Variants in DPP10 observed in about 807,000 individuals in gnomAD.
The protein encoded by DPP10 is dipeptidyl peptidase like 10.
A neutral mutation model predicts 120.9 loss-of-function variants in DPP10; 33 were observed. The observed-to-expected ratio is 0.27, with a 90% CI of 0.21 to 0.37. The LOEUF is 0.37. Among genes scored for constraint, DPP10 ranks in the 10% least tolerant of loss-of-function variants. The probability of loss-of-function intolerance (pLI) is 1.00; values close to 1 mark genes in which losing one functional copy is unlikely to be tolerated. For missense variants in DPP10, 816 were observed against 942.8 expected, an observed-to-expected ratio of 0.87 and a Z score of 1.76; for synonymous variants, 337 against 326.1, an observed-to-expected ratio of 1.03 and a Z score of -0.36.
intron 1 of DPP10, among the ~76,000 whole-genome samples, chr2:115,190,040 G>A (rs752176669): frequency 2.0e-5 from 3 of 152,100 alleles, no homozygotes; most frequent in South Asian, 4.1e-4. Flanking sequence ...AAACTCCTCC[G>A]CTTTCTGCTA....
intron 1 of DPP10, among the ~76,000 whole-genome samples, chr2:115,079,236 C>T (rs1405707740): frequency 1.3e-5 from 2 of 152,020 alleles, no homozygotes; most frequent in African/African-American, 4.8e-5. Context: ...AAACATTAGC[C>T]GGACGTGGTG....
chr2:115,222,841 A>G (rs570050310), intron 1 of DPP10, among the ~76,000 whole-genome samples: 2 of 152,258 alleles, frequency 1.3e-5, no homozygotes, highest in East Asian at 1.9e-4. Flanking sequence ...GGCTCTTTTT[A>G]TTACATTGTC....
chr2:115,286,752 T>G (rs2060422627), intron 1 of DPP10, among the ~76,000 whole-genome samples: 1 of 151,234 alleles, frequency 6.6e-6, no homozygotes, highest in African/African-American at 2.4e-5. Context: ...GTTTGAATCC[T>G]TCCACTGTTG....
intron 1 of DPP10, among the ~76,000 whole-genome samples, chr2:115,040,072 C>T (rs1483864418): frequency 6.6e-6 from 1 of 152,178 alleles, no homozygotes; most frequent in African/African-American, 2.4e-5. Context: ...TTAATAACAA[C>T]ACCAACTCCA....
chr2:114,953,892 C>G (rs969880224), intron 1 of DPP10, among the ~76,000 whole-genome samples: 1 of 151,862 alleles, frequency 6.6e-6, no homozygotes, highest in African/African-American at 2.4e-5. Context: ...TTTGAAGCAA[C>G]AATTGCTTCA....
chr2:115,434,077 G>T (rs1047239409), intron 3 of DPP10, among the ~76,000 whole-genome samples: 1 of 151,826 alleles, frequency 6.6e-6, no homozygotes, highest in African/African-American at 2.4e-5. Context: ...AATATTAAGG[G>T]CTTCTGAAAA....
intron 1 of DPP10, among the ~76,000 whole-genome samples, chr2:114,956,957 C>G (rs1033527793): frequency 7.7e-6 from 1 of 130,126 alleles, no homozygotes; most frequent in African/African-American, 2.8e-5. Flanking sequence ...TAAAGACTTA[C>G]ATGTAAGACC....
chr2:114,736,870 C>G (rs1677491780), intron 1 of DPP10, among the ~76,000 whole-genome samples: 1 of 152,192 alleles, frequency 6.6e-6, no homozygotes, highest in Non-Finnish European at 1.5e-5. Context: ...TACTTAGTAA[C>G]CCTAGGCTTG....
intron 3 of DPP10, among the ~76,000 whole-genome samples, chr2:115,472,364 A>G (rs558933081): frequency 3.9e-5 from 6 of 152,336 alleles, no homozygotes; most frequent in African/African-American, 1.2e-4. Context: ...ATGCTATGCA[A>G]TTTTTAAAAA....
At chr2:114,917,162 C>T (rs1010231589) in intron 1 of DPP10, among the ~76,000 whole-genome samples, 2 of 152,140 alleles carry the variant, frequency 1.3e-5, no homozygotes, top group African/African-American at 4.8e-5. Flanking sequence ...AGGAGCATTT[C>T]TATACACCAA....
At chr2:115,416,500 T>TG (rs2069445022) in intron 3 of DPP10, among the ~76,000 whole-genome samples, 1 of 152,068 alleles carries the variant, frequency 6.6e-6, no homozygotes, top group Non-Finnish European at 1.5e-5. Flanking sequence ...CATGAAAAAT[T>TG]ATTAGTCCAT....
At chr2:115,827,162 T>C (rs929229520) in intron 21 of DPP10, among the ~76,000 whole-genome samples, 22 of 151,864 alleles carry the variant, frequency 1.4e-4, no homozygotes, top group Admixed American at 2.6e-4. Context: ...ATTTTGATGG[T>C]TCCTTTATGG....
chr2:115,125,963 A>G (rs1280995809), intron 1 of DPP10, among the ~76,000 whole-genome samples: 1 of 152,228 alleles, frequency 6.6e-6, no homozygotes, highest in Non-Finnish European at 1.5e-5. Flanking sequence ...TACCTGTTTC[A>G]TAATTGAGAT....
chr2:114,761,064 C>T (rs944346770), intron 1 of DPP10, among the ~76,000 whole-genome samples: 1 of 152,132 alleles, frequency 6.6e-6, no homozygotes, highest in Non-Finnish European at 1.5e-5. Flanking sequence ...CGTGTTGCAG[C>T]TAAAACATTG....
At chr2:114,524,608 G>A (rs1430103) in intron 1 of DPP10, among the ~76,000 whole-genome samples, 1 of 152,106 alleles carries the variant, frequency 6.6e-6, no homozygotes, top group South Asian at 2.1e-4. Flanking sequence ...AGGCATAGCC[G>A]TAGCTCTCAA....
intron 2 of DPP10, among the ~76,000 whole-genome samples, chr2:115,311,206 T>C (rs945513510): frequency 1.3e-5 from 2 of 152,216 alleles, no homozygotes; most frequent in Non-Finnish European, 2.9e-5. Flanking sequence ...TGGCAAGTTA[T>C]TTAACCTTCT....
intron 5 of DPP10, among the ~76,000 whole-genome samples, chr2:115,604,190 C>T (rs2083547310): frequency 6.6e-6 from 1 of 151,596 alleles, no homozygotes; most frequent in Non-Finnish European, 1.5e-5. Flanking sequence ...GCCCTGATTG[C>T]ATGTTTTGTT....
chr2:115,334,256 A>G lies in DPP10; in HGVS notation c.176-9561A>G, dbSNP rs1351064506. 1.6e-4 allele frequency among the ~76,000 whole-genome samples: 4 copies of G among 24,360 alleles called. 1 individual carries two copies. The highest frequency in any genetic ancestry group is 5.5e-4 in the Admixed American group (1 of 1,828). The allele number at this position is 24,360 out of a possible 152,430, so 16.0% of individuals were successfully genotyped here. A position where few individuals can be genotyped will look rare whatever the true frequency, so the allele number is the denominator to read the frequency against. ...TTTTTTTTTTTTTTTTAAGAAACCTAGCTATTTCTGCAACAAGAGATTAGA... is the reference window on the plus strand; with the variant it reads ...TTTTTTTTTTTTTTTTAAGAAACCTGGCTATTTCTGCAACAAGAGATTAGA... On this transcript the variant is annotated intron_variant, in intron 2 of 25. Transcript: ENST00000410059.
intron 3 of DPP10, among the ~76,000 whole-genome samples, chr2:115,378,660 G>T (rs1240798399): frequency 6.6e-6 from 1 of 151,552 alleles, no homozygotes; most frequent in Non-Finnish European, 1.5e-5. Flanking sequence ...TCCAGTTTTT[G>T]CCCATTCAGT....
Sources: allele counts gnomAD v4.1 joint callset (sites outside exome capture counted in the v4.1 genomes callset), GRCh38; gene constraint gnomAD v4.1.1; transcripts MANE v1.5; gene names NCBI Gene and HGNC (gene_info 2026-07-23, HGNC 2026-07-21).